PODXL2: variants seen among roughly 807,000 people sequenced by gnomAD.
PODXL2 encodes podocalyxin-like protein 2.
In PODXL2, 17 loss-of-function variants were observed where a neutral mutation model predicts 53.4. The ratio of observed to expected loss-of-function variants is 0.32; its 90% CI spans 0.22 to 0.48. The LOEUF is 0.48. PODXL2 is among the 20% of genes least tolerant of loss of function. The pLI is 0.99. For synonymous variants in PODXL2, 311 were observed against 306.7 expected, an observed-to-expected ratio of 1.01 and a Z score of -0.15; for missense variants, 673 against 760.0, an observed-to-expected ratio of 0.89 and a Z score of 1.35.
At chr3:127,642,929 A>G (rs2074629768) in intron 2 of PODXL2, among the ~76,000 whole-genome samples, 1 of 152,246 alleles carries the variant, frequency 6.6e-6, no homozygotes, top group East Asian at 1.9e-4. Context: ...ATAATTATAT[A>G]CCTACCTCAC....
intron 2 of PODXL2, among the ~76,000 whole-genome samples, chr3:127,651,133 G>A (rs1576430595): frequency 6.6e-6 from 1 of 152,122 alleles, no homozygotes; most frequent in South Asian, 2.1e-4. Context: ...ATGTGGTTGC[G>A]GGCACTTTAA....
chr3:127,655,180 T>G (rs2074714086), intron 2 of PODXL2, among the ~76,000 whole-genome samples: 1 of 151,884 alleles, frequency 6.6e-6, no homozygotes, highest in African/African-American at 2.4e-5. Context: ...TGACCTCAGG[T>G]GATCCACCCC....
intron 3 of PODXL2, among the ~76,000 whole-genome samples, chr3:127,661,800 C>A (rs1487377686): frequency 6.6e-6 from 1 of 152,098 alleles, no homozygotes; most frequent in African/African-American, 2.4e-5. Flanking sequence ...TGTGCTTTCC[C>A]CATCCCATCT....
chr3:127,651,138 C>G (rs1203521079), intron 2 of PODXL2, among the ~76,000 whole-genome samples: 1 of 152,172 alleles, frequency 6.6e-6, no homozygotes, highest in Admixed American at 6.5e-5. Context: ...GTTGCGGGCA[C>G]TTTAATCCCA....
intron 2 of PODXL2, among the ~76,000 whole-genome samples, chr3:127,652,777 G>A (rs1466876806): frequency 3.3e-5 from 5 of 152,154 alleles, no homozygotes; most frequent in Non-Finnish European, 5.9e-5. Context: ...AAAGGGCTTC[G>A]TGGAGGGACC....
chr3:127,629,481 T>C lies in PODXL2; in HGVS notation c.70+192T>C, dbSNP rs980658726. ...GTGCGTGGGGGCCGCGGCGGGCGCC[T>C]GGCGTGCCGGGCGACCCCCGACAAA... On this transcript the variant is annotated intron_variant, in intron 1 of 7. Transcript: ENST00000342480. The surrounding 1 kb of genome is among the most constrained non-coding windows in gnomAD (Gnocchi z 6.4). Among the ~76,000 whole-genome samples, 41 of 149,588 alleles carry C rather than the reference T, an allele frequency of 2.7e-4. No homozygotes were observed. Among genetic ancestry groups the C allele is most frequent in the African/African-American group, 9.5e-4 (39 of 40,948 alleles).
At chr3:127,639,216 C>G in intron 1 of PODXL2, 29 bp from the exon 2 acceptor site, 1 of 1,557,172 alleles carries the variant, frequency 6.4e-7, no homozygotes, top group South Asian at 1.2e-5. Flanking sequence ...CTAGCCTCCC[C>G]TGACTGTCTG....
chr3:127,633,482 G>A (rs866258119), intron 1 of PODXL2, among the ~76,000 whole-genome samples: 1 of 139,580 alleles, frequency 7.2e-6, no homozygotes, highest in East Asian at 2.0e-4. Context: ...TTGTGTGTGT[G>A]TGTGTGTGTG....
intron 2 of PODXL2, among the ~76,000 whole-genome samples, chr3:127,644,517 G>A (rs952788242): frequency 6.6e-6 from 1 of 152,048 alleles, no homozygotes; most frequent in Non-Finnish European, 1.5e-5. Flanking sequence ...AAGCAGTCAC[G>A]CAGAGAGCAT....
chr3:127,638,424 A>C (rs563112394), intron 1 of PODXL2, among the ~76,000 whole-genome samples: 1 of 152,228 alleles, frequency 6.6e-6, no homozygotes. Context: ...TTAAAAGACT[A>C]CGTTCAGAGG....
chr3:127,657,221 C>G (rs901274804), intron 2 of PODXL2, among the ~76,000 whole-genome samples: 1 of 152,194 alleles, frequency 6.6e-6, no homozygotes, highest in African/African-American at 2.4e-5. Context: ...TTGATGCTCT[C>G]TCTGACTTTT....
intron 6 of PODXL2, among the ~76,000 whole-genome samples, chr3:127,670,632 C>T (rs1057060649): frequency 6.6e-6 from 1 of 152,126 alleles, no homozygotes; most frequent in Non-Finnish European, 1.5e-5. Flanking sequence ...TCACAGAAAC[C>T]GGGGAAGAGC....
intron 3 of PODXL2, 37 bp from the exon 4 acceptor site, chr3:127,662,200 T>A: frequency 1.9e-6 from 3 of 1,586,838 alleles, no homozygotes; most frequent in Non-Finnish European, 2.6e-6. Context: ...TCCTATGCCT[T>A]CGTAACTGTC....
At chr3:127,658,605 C>A (rs150911199) in intron 2 of PODXL2, among the ~76,000 whole-genome samples, 2 of 152,172 alleles carry the variant, frequency 1.3e-5, no homozygotes, top group African/African-American at 4.8e-5. Flanking sequence ...TTTTTAAATT[C>A]TTCCTCTAGG....
At chr3:127,672,053 C>A (rs1337606468) in intron 7 of PODXL2, among the ~76,000 whole-genome samples, 5 of 152,360 alleles carry the variant, frequency 3.3e-5, no homozygotes, top group African/African-American at 1.2e-4. Flanking sequence ...GTTGGGGGAT[C>A]GATGACGTCA....
chr3:127,657,002 C>CCGTGAT (rs982128968), intron 2 of PODXL2, among the ~76,000 whole-genome samples: 1 of 152,114 alleles, frequency 6.6e-6, no homozygotes, highest in African/African-American at 2.4e-5. Flanking sequence ...GATTGCACCA[C>CCGTGAT]TGCACTCCAG....
chr3:127,648,090 C>G (rs926183632), intron 2 of PODXL2, among the ~76,000 whole-genome samples: 13 of 152,112 alleles, frequency 8.5e-5, no homozygotes, highest in Admixed American at 1.3e-4. Flanking sequence ...ATGATTAGAT[C>G]ACTGTTTTAC....
Position 127,639,435 on chromosome 3 carries a change from A to G in PODXL2, c.261A>G (p.Glu87=). Residue 87 remains glutamate, a synonymous_variant, in exon 2 of 8, where the codon GAA becomes GAG. Coordinates refer to ENST00000342480, the MANE Select transcript of PODXL2 (RefSeq NM_015720.4). Reference sequence around the variant, plus strand: ...CAGGCTTCCCCAGCGAAGAGAATGAAGAGTCTCGGATTCTGCAGCCACCAC... The same window carrying G: ...CAGGCTTCCCCAGCGAAGAGAATGAGGAGTCTCGGATTCTGCAGCCACCAC... ...PGSGFPSEEN[E]ESRILQPPQY... 1 of 1,614,270 alleles carries G rather than the reference A, an allele frequency of 6.2e-7. No homozygotes were observed. The highest frequency in any genetic ancestry group is 1.3e-5 in the African/African-American group (1 of 75,076).
chr3:127,640,156 C>A (rs1312845671), intron 2 of PODXL2, among the ~76,000 whole-genome samples: 1 of 152,230 alleles, frequency 6.6e-6, no homozygotes, highest in South Asian at 2.1e-4. Flanking sequence ...TGAATGCCCA[C>A]CGCCATGAGC....
Sources: allele counts gnomAD v4.1 joint callset (sites outside exome capture counted in the v4.1 genomes callset), GRCh38; gene constraint gnomAD v4.1.1; non-coding constraint Gnocchi (gnomAD v3.1); transcripts MANE v1.5; gene names NCBI Gene and HGNC (gene_info 2026-07-23, HGNC 2026-07-21).